Variants in LUZP2 observed in about 807,000 individuals in gnomAD.
LUZP2 encodes leucine zipper protein 2.
A neutral mutation model predicts 51.6 loss-of-function variants in LUZP2; 52 were observed. The observed-to-expected ratio is 1.01, with a 90% CI of 0.81 to 1.27. The LOEUF (loss-of-function observed/expected upper bound fraction) is 1.27, where lower values mean the gene tolerates loss of function less well. Among genes scored for constraint, LUZP2 ranks in the 50% most tolerant of loss-of-function variants. LUZP2 has a pLI of 0.00. For missense variants in LUZP2, 436 were observed against 395.4 expected (o/e 1.10, Z -0.87); for synonymous variants, 154 against 137.3 (o/e 1.12, Z -0.85).
intron 5 of LUZP2, among the ~76,000 whole-genome samples, chr11:24,843,197 A>G (rs1851088746): frequency 6.6e-6 from 1 of 152,038 alleles, no homozygotes; most frequent in African/African-American, 2.4e-5. Flanking sequence ...GTGATTTAAC[A>G]GAGCCATTAA....
chr11:24,518,240 G>A (rs906790390), intron 1 of LUZP2, among the ~76,000 whole-genome samples: 1 of 152,164 alleles, frequency 6.6e-6, no homozygotes, highest in Non-Finnish European at 1.5e-5. Flanking sequence ...GCTAAGTTAA[G>A]AGACTTGCTT....
intron 1 of LUZP2, among the ~76,000 whole-genome samples, chr11:24,525,746 T>G (rs1850779631): frequency 6.6e-6 from 1 of 151,326 alleles, no homozygotes; most frequent in Non-Finnish European, 1.5e-5. Context: ...ACACACACAG[T>G]CCTCCTAAGC....
intron 1 of LUZP2, among the ~76,000 whole-genome samples, chr11:24,589,908 A>G (rs950815029): frequency 7.2e-6 from 1 of 138,908 alleles, no homozygotes; most frequent in Non-Finnish European, 1.5e-5. Flanking sequence ...GACAGCAGCT[A>G]TGTTCACAAC....
intron 10 of LUZP2, among the ~76,000 whole-genome samples, chr11:25,055,908 G>T (rs1858673268): frequency 6.6e-6 from 1 of 152,024 alleles, no homozygotes; most frequent in Admixed American, 6.6e-5. Flanking sequence ...TCATCCAAAG[G>T]ATCCAGTGAG....
Position 25,077,277 on chromosome 11 carries a change from C to T in LUZP2, c.859-52C>T, listed in dbSNP as rs1859337924. 6.0e-6 allele frequency: 8 copies of T among 1,334,400 alleles called. No individual in the cohort carries two copies. In the Admixed American group the frequency reaches 1.2e-4, roughly 20 times the overall value. The allele number at this position is 1,334,400 out of a possible 1,614,324, so 82.7% of individuals were successfully genotyped here. A position where few individuals can be genotyped will look rare whatever the true frequency, so the allele number is the denominator to read the frequency against. On this transcript the variant is annotated intron_variant, in intron 10 of 11. Transcript: ENST00000336930. ...AAGAGAGTGTTTTTGACTCCCCCCT[C>T]CACTTTCTTTCTTTAACTTCATTGA...
intron 7 of LUZP2, among the ~76,000 whole-genome samples, chr11:24,954,300 G>A (rs1355285351): frequency 6.6e-6 from 1 of 152,008 alleles, no homozygotes; most frequent in Admixed American, 6.6e-5. Flanking sequence ...TTGCCATGAA[G>A]CAATATTTTA....
At chr11:24,960,810 G>A (rs1243317423) in intron 7 of LUZP2, among the ~76,000 whole-genome samples, 1 of 152,052 alleles carries the variant, frequency 6.6e-6, no homozygotes, top group South Asian at 2.1e-4. Context: ...GTTTGCTCTT[G>A]CTTTTCTAGT....
chr11:24,898,261 GGTAA>G (rs910883897), intron 5 of LUZP2, among the ~76,000 whole-genome samples: 3 of 151,408 alleles, frequency 2.0e-5, no homozygotes, highest in Non-Finnish European at 2.9e-5. Context: ...AAAAAAATCA[GGTAA>G]GTATGTCAGA....
At chr11:24,916,839 G>A (rs2133805673) in intron 7 of LUZP2, among the ~76,000 whole-genome samples, 1 of 152,172 alleles carries the variant, frequency 6.6e-6, no homozygotes, top group African/African-American at 2.4e-5. Context: ...TGATCCTTTG[G>A]GTATATACCC....
chr11:24,595,287 A>G (rs1232148030), intron 1 of LUZP2, among the ~76,000 whole-genome samples: 2 of 152,054 alleles, frequency 1.3e-5, no homozygotes, highest in Admixed American at 6.6e-5. Context: ...AACATTAAGT[A>G]TATTTTACAG....
chr11:25,065,286 T>C (rs556721260), intron 10 of LUZP2, among the ~76,000 whole-genome samples: 2 of 152,192 alleles, frequency 1.3e-5, no homozygotes, highest in Admixed American at 1.3e-4. Context: ...GCCAAGTGAA[T>C]GAACCTTATT....
At chr11:24,918,404 C>G (rs11028272) in intron 7 of LUZP2, among the ~76,000 whole-genome samples, 69,731 of 151,384 alleles carry the variant, frequency 0.46, 16,430 homozygotes, top group East Asian at 0.76. Flanking sequence ...GGCCATCCCT[C>G]TCTTGTGCCG....
At chr11:24,894,632 A>G (rs1032900494) in intron 5 of LUZP2, among the ~76,000 whole-genome samples, 4 of 150,256 alleles carry the variant, frequency 2.7e-5, no homozygotes, top group African/African-American at 9.8e-5. Context: ...AGTCCCTGGT[A>G]TCTATTATCC....
intron 1 of LUZP2, among the ~76,000 whole-genome samples, chr11:24,595,045 C>T (rs758507610): frequency 4.7e-4 from 72 of 152,052 alleles, no homozygotes; most frequent in Non-Finnish European, 8.4e-4. Flanking sequence ...CAGGCGTAAG[C>T]CACCATGCCC....
In LUZP2 at chr11:24,886,980, C is replaced by T. The variant is rs75157260; in HGVS notation, c.397-19011C>T. On this transcript the variant is annotated intron_variant, in intron 5 of 11. Transcript: ENST00000336930. ...TCTCTTTAACAGAAAACTTCTTTTA[C>T]CTGGTGAATGTCCTAATGCCTATTT... Among the ~76,000 whole-genome samples, 1,023 of 152,172 alleles carry T rather than the reference C, an allele frequency of 6.7e-3. 15 individuals are homozygous for T. The highest frequency in any genetic ancestry group is 0.057 in the East Asian group (294 of 5,150).
chr11:25,055,545 A>G (rs1233910360), intron 10 of LUZP2, among the ~76,000 whole-genome samples: 1 of 152,030 alleles, frequency 6.6e-6, no homozygotes, highest in African/African-American at 2.4e-5. Flanking sequence ...TCTGAGTTAA[A>G]ACTGTGATGA....
At chr11:24,501,536 A>G (rs530982883) in intron 1 of LUZP2, among the ~76,000 whole-genome samples, 4 of 152,228 alleles carry the variant, frequency 2.6e-5, no homozygotes, top group Non-Finnish European at 5.9e-5. Context: ...AGTGACTTCT[A>G]GAAGATTTGC....
chr11:25,078,468 A>T, intron 11 of LUZP2, 86 bp from the exon 12 acceptor site: 1 of 988,616 alleles, frequency 1.0e-6, no homozygotes, highest in Non-Finnish European at 1.5e-6. Flanking sequence ...TTGAATTTCC[A>T]TTCTTATTCT....
chr11:25,010,068 TGTG>T (rs1217896822), intron 9 of LUZP2, among the ~76,000 whole-genome samples: 2 of 152,198 alleles, frequency 1.3e-5, no homozygotes, highest in East Asian at 3.8e-4. Flanking sequence ...TCAATCCCCA[TGTG>T]GTACCATTCC....
Sources: allele counts gnomAD v4.1 joint callset (sites outside exome capture counted in the v4.1 genomes callset), GRCh38; gene constraint gnomAD v4.1.1; transcripts MANE v1.5; gene names NCBI Gene and HGNC (gene_info 2026-07-23, HGNC 2026-07-21).